SBF2: variants seen among roughly 807,000 people sequenced by gnomAD.
SBF2 encodes the protein SET binding factor 2, also known as myotubularin-related protein 13.
In SBF2, 112 loss-of-function variants were observed where a neutral mutation model predicts 225.2. The observed-to-expected ratio is 0.50, with a 90% CI of 0.43 to 0.58. The LOEUF (loss-of-function observed/expected upper bound fraction) is 0.58. Ranked by LOEUF, SBF2 falls within the 20% of genes least tolerant of loss-of-function variation. The probability of loss-of-function intolerance (pLI) is 0.00; values close to 1 mark genes in which losing one functional copy is unlikely to be tolerated. For missense variants in SBF2, 1,996 were observed against 2,206.2 expected (o/e 0.90, Z 1.91); for synonymous variants, 763 against 773.3 (o/e 0.99, Z 0.22).
intron 1 of SBF2, among the ~76,000 whole-genome samples, chr11:10,224,908 G>A (rs1401957492): frequency 3.3e-5 from 5 of 152,234 alleles, no homozygotes; most frequent in African/African-American, 1.2e-4. Flanking sequence ...GATTTACCAG[G>A]ATGCCCAATG....
At chr11:9,841,419 G>T (rs997230435) in intron 25 of SBF2, among the ~76,000 whole-genome samples, 1 of 152,162 alleles carries the variant, frequency 6.6e-6, no homozygotes, top group Non-Finnish European at 1.5e-5. Flanking sequence ...CAACAAATGG[G>T]TGTGGTGTTA....
At chr11:9,810,502 A>T (rs1260743638) in intron 30 of SBF2, 1 of 152,232 alleles carries the variant, frequency 6.6e-6, no homozygotes, top group Non-Finnish European at 1.5e-5. Flanking sequence ...TGCAATTTGA[A>T]TCCAACTCTG....
At position 9,968,472 on chromosome 11, in the gene SBF2, A is replaced by T. The variant is rs1191821732; in HGVS notation, c.1469T>A (p.Ile490Asn). ...PTEGSHLRVH[I>N]LPFPEINEAR... ...TTCATTAATCTCTGGGAAAGGAAGAATATGAACTCGCAAATGGGATCCTTC... is the reference window on the plus strand; with the variant it reads ...TTCATTAATCTCTGGGAAAGGAAGATTATGAACTCGCAAATGGGATCCTTC... Residue 490 changes from isoleucine (I) to asparagine (N), a missense_variant, in exon 14 of 40, where the codon ATT (isoleucine) becomes AAT (asparagine). Transcript: ENST00000256190. 6.2e-7 allele frequency: 1 copy of T among 1,614,070 alleles called. No homozygotes were observed. Among genetic ancestry groups the T allele is most frequent in the East Asian group, 2.2e-5 (1 of 44,898 alleles).
intron 17 of SBF2, among the ~76,000 whole-genome samples, chr11:9,881,985 G>C (rs1859803278): frequency 1.3e-5 from 2 of 152,034 alleles, no homozygotes; most frequent in South Asian, 2.1e-4. Context: ...GAGACCTTGT[G>C]TTTAAAAAAA....
At chr11:10,060,178 A>C (rs1318059663) in intron 2 of SBF2, among the ~76,000 whole-genome samples, 1 of 152,220 alleles carries the variant, frequency 6.6e-6, no homozygotes, top group Non-Finnish European at 1.5e-5. Flanking sequence ...AAACAGAATT[A>C]GAAATGGCAA....
intron 25 of SBF2, 71 bp downstream of exon 25, chr11:9,842,554 A>C (rs1856236862): frequency 6.7e-7 from 1 of 1,490,096 alleles, no homozygotes; most frequent in South Asian, 1.1e-5. Context: ...TGTAAGTGCA[A>C]CTACATCTGA....
At chr11:10,279,204 G>A (rs1002819559) in intron 1 of SBF2, among the ~76,000 whole-genome samples, 2 of 150,894 alleles carry the variant, frequency 1.3e-5, no homozygotes, top group Non-Finnish European at 2.9e-5. Context: ...CTGATGTCAG[G>A]AGTTTAAGAC....
chr11:10,041,933 CA>C (rs756964982), intron 3 of SBF2, among the ~76,000 whole-genome samples: 1 of 151,466 alleles, frequency 6.6e-6, no homozygotes, highest in Non-Finnish European at 1.5e-5. Context: ...CCAGCACCAA[CA>C]AAAAAAACCC....
At chr11:9,846,658 C>G (rs1018877799) in intron 23 of SBF2, among the ~76,000 whole-genome samples, 6 of 152,158 alleles carry the variant, frequency 3.9e-5, no homozygotes, top group Non-Finnish European at 4.4e-5. Flanking sequence ...AAGGCTTCAT[C>G]AAACAGGTAT....
intron 16 of SBF2, among the ~76,000 whole-genome samples, chr11:9,907,668 T>C (rs138512053): frequency 1.1e-4 from 17 of 152,314 alleles, no homozygotes; most frequent in African/African-American, 2.6e-4. Context: ...ACAAATAATA[T>C]CAAGCTTTAT....
chr11:10,253,990 A>G (rs1960615311), intron 1 of SBF2, among the ~76,000 whole-genome samples: 1 of 152,232 alleles, frequency 6.6e-6, no homozygotes, highest in South Asian at 2.1e-4. Context: ...AAAAATAGCA[A>G]GTGTTGGTGA....
intron 1 of SBF2, among the ~76,000 whole-genome samples, chr11:10,304,199 G>T (rs1301406892): frequency 6.6e-6 from 1 of 152,178 alleles, no homozygotes; most frequent in Non-Finnish European, 1.5e-5. Context: ...GGCCGTGCTT[G>T]GTAAACTGTA....
chr11:9,863,930 G>T (rs985576682), intron 17 of SBF2, among the ~76,000 whole-genome samples: 1 of 151,856 alleles, frequency 6.6e-6, no homozygotes, highest in Non-Finnish European at 1.5e-5. Context: ...TATATTGCAG[G>T]TTTTATTCTA....
At chr11:9,797,670 C>G (rs1853208699) in intron 32 of SBF2, among the ~76,000 whole-genome samples, 2 of 152,278 alleles carry the variant, frequency 1.3e-5, no homozygotes, top group Middle Eastern at 3.4e-3. Context: ...GCAATACAAG[C>G]AACTAATTAT....
intron 2 of SBF2, among the ~76,000 whole-genome samples, chr11:10,133,512 G>T (rs1038739700): frequency 1.5e-5 from 2 of 135,944 alleles, no homozygotes; most frequent in Non-Finnish European, 3.4e-5. Context: ...AGCACTGCTG[G>T]GGGACTCAGT....
At chr11:10,021,813 C>G (rs1341632944) in intron 6 of SBF2, among the ~76,000 whole-genome samples, 5 of 152,102 alleles carry the variant, frequency 3.3e-5, no homozygotes, top group Non-Finnish European at 7.4e-5. Flanking sequence ...TTGACAAAGT[C>G]CAAACAAAAT....
chr11:10,004,125 T>C (rs1590731496), intron 6 of SBF2, among the ~76,000 whole-genome samples: 2 of 152,204 alleles, frequency 1.3e-5, no homozygotes, highest in Admixed American at 1.3e-4. Context: ...GTTTCGTAAG[T>C]GATTTTCCTA....
chr11:9,885,035 G>A (rs533366980), intron 17 of SBF2, among the ~76,000 whole-genome samples: 1 of 151,994 alleles, frequency 6.6e-6, no homozygotes, highest in South Asian at 2.1e-4. Context: ...CGGATCACTT[G>A]AGGTCAGGAG....
intron 1 of SBF2, among the ~76,000 whole-genome samples, chr11:10,199,136 T>C (rs917188811): frequency 2.0e-5 from 3 of 152,122 alleles, no homozygotes; most frequent in African/African-American, 7.2e-5. Flanking sequence ...TTCCTTTCAC[T>C]TGACCACTTA....
Sources: allele counts gnomAD v4.1 joint callset (sites outside exome capture counted in the v4.1 genomes callset), GRCh38; gene constraint gnomAD v4.1.1; transcripts MANE v1.5; gene names NCBI Gene and HGNC (gene_info 2026-07-23, HGNC 2026-07-21).